Variants in PRICKLE2 observed in about 807,000 individuals in gnomAD.
PRICKLE2 encodes the protein prickle-like protein 2.
A neutral mutation model predicts 81.4 loss-of-function variants in PRICKLE2; 21 were observed. That is an observed-to-expected ratio of 0.26 (90% CI 0.18 to 0.37). PRICKLE2 has a LOEUF of 0.37. Among genes scored for constraint, PRICKLE2 ranks in the 10% least tolerant of loss-of-function variants. PRICKLE2 has a pLI of 1.00. For missense variants in PRICKLE2, 940 were observed against 1,109.0 expected (o/e 0.85, Z 2.16); for synonymous variants, 456 against 421.5 (o/e 1.08, Z -1.00).
intron 2 of PRICKLE2, among the ~76,000 whole-genome samples, chr3:64,192,414 G>T (rs2107102389): frequency 6.6e-6 from 1 of 152,266 alleles, no homozygotes; most frequent in Non-Finnish European, 1.5e-5. Context: ...TTTTATAAGT[G>T]TTAATAACAA....
rs1431946218 is a variant in PRICKLE2, at chr3:64,099,788, G to A, written c.1798C>T (p.Arg600Trp). 8 of 1,614,196 alleles carry A rather than the reference G, an allele frequency of 5.0e-6. No individual in the cohort carries two copies. Among genetic ancestry groups the A allele is most frequent in the Non-Finnish European group, 6.8e-6 (8 of 1,180,038 alleles). Reference protein sequence around the residue: ...MGTLNSSMQFRSAESVRSLLS... With the variant: ...MGTLNSSMQFWSAESVRSLLS... ...AGGCTGCGAACTGACTCTGCGCTCC[G>A]GAACTGCATGGACGAGTTAAGAGTG... is the stretch of plus-strand genomic sequence containing the variant. Residue 600 changes from arginine to tryptophan, a missense_variant, in exon 8 of 8, where the codon CGG (arginine) becomes TGG (tryptophan). By Grantham distance (101) the Arg-to-Trp change is moderately radical (BLOSUM62 -3). Coordinates refer to ENST00000638394, the MANE Select transcript of PRICKLE2 (RefSeq NM_198859.4). The surrounding 1 kb of genome is among the most constrained non-coding windows in gnomAD (Gnocchi z 4.3).
chr3:64,185,556 C>A lies in PRICKLE2; in HGVS notation c.144+13228G>T, dbSNP rs2078213158. Among the ~76,000 whole-genome samples, 5 of 152,184 alleles carry A rather than the reference C, an allele frequency of 3.3e-5. No individual in the cohort carries two copies. In the South Asian group the frequency reaches 1.0e-3, roughly 32 times the overall value. Reference sequence around the variant, plus strand: ...TGAGCCAGTCTGTGGAACTCATTTTCTTGTGCCATCCATCTGGATGTTGAT... The same window carrying A: ...TGAGCCAGTCTGTGGAACTCATTTTATTGTGCCATCCATCTGGATGTTGAT... On this transcript the variant is annotated intron_variant, in intron 2 of 7. Transcript: ENST00000638394.
chr3:64,231,895 A>T (rs1228427648), intron 2 of PRICKLE2, among the ~76,000 whole-genome samples: 1 of 152,192 alleles, frequency 6.6e-6, no homozygotes, highest in African/African-American at 2.4e-5. Context: ...TGACGACAAA[A>T]CCCATATTCT....
chr3:64,257,773 T>C (rs550035156), intron 2 of PRICKLE2, among the ~76,000 whole-genome samples: 1 of 152,302 alleles, frequency 6.6e-6, no homozygotes, highest in East Asian at 1.9e-4. Context: ...TCCTTTGCCA[T>C]GGTTTGAATG....
intron 7 of PRICKLE2, among the ~76,000 whole-genome samples, chr3:64,130,786 T>A (rs2077185776): frequency 1.3e-5 from 2 of 152,182 alleles, no homozygotes; most frequent in Admixed American, 1.3e-4. Flanking sequence ...CCAGACCAGT[T>A]AAATTGGAAT....
intron 1 of PRICKLE2, among the ~76,000 whole-genome samples, chr3:64,214,750 AGGTGCT>A (rs1296706535): frequency 6.6e-6 from 1 of 152,172 alleles, no homozygotes; most frequent in Non-Finnish European, 1.5e-5. Flanking sequence ...CGATTTGACA[AGGTGCT>A]GGTTGAAGGA....
intron 2 of PRICKLE2, among the ~76,000 whole-genome samples, chr3:64,232,852 G>A (rs959626804): frequency 1.3e-5 from 2 of 152,156 alleles, no homozygotes; most frequent in African/African-American, 4.8e-5. Flanking sequence ...CAACGGATGA[G>A]AACAAATACC....
At chr3:64,194,992 T>C (rs1214866228) in intron 2 of PRICKLE2, among the ~76,000 whole-genome samples, 2 of 152,118 alleles carry the variant, frequency 1.3e-5, no homozygotes, top group African/African-American at 4.8e-5. Flanking sequence ...CAGTGAGCTA[T>C]GATCGTACCA....
chr3:64,131,184 T>C (rs923452666), intron 7 of PRICKLE2, among the ~76,000 whole-genome samples: 3 of 152,212 alleles, frequency 2.0e-5, no homozygotes, highest in Non-Finnish European at 4.4e-5. Context: ...ATCTGTTTCA[T>C]CACAAGCGAT....
chr3:64,130,668 G>A (rs2077184157), intron 7 of PRICKLE2, among the ~76,000 whole-genome samples: 1 of 152,190 alleles, frequency 6.6e-6, no homozygotes, highest in East Asian at 1.9e-4. Flanking sequence ...TGGAAACACA[G>A]GCACCTGATG....
At chr3:64,124,814 C>T (rs757769434) in intron 7 of PRICKLE2, among the ~76,000 whole-genome samples, 2 of 152,116 alleles carry the variant, frequency 1.3e-5, no homozygotes, top group Non-Finnish European at 1.5e-5. Context: ...AGAGGTATGA[C>T]GGAGATGTAC....
chr3:64,148,056 A>G (rs2077486994), intron 6 of PRICKLE2, among the ~76,000 whole-genome samples: 1 of 152,242 alleles, frequency 6.6e-6, no homozygotes, highest in African/African-American at 2.4e-5. Context: ...AACTCATTTA[A>G]TCACTCAGCT....
chr3:64,119,499 A>T (rs1475190551), intron 7 of PRICKLE2, among the ~76,000 whole-genome samples: 1 of 152,232 alleles, frequency 6.6e-6, no homozygotes, highest in East Asian at 1.9e-4. Flanking sequence ...AGTCAAAAGC[A>T]CAATGAGATA....
intron 7 of PRICKLE2, among the ~76,000 whole-genome samples, chr3:64,133,770 G>C (rs1018690466): frequency 6.6e-6 from 1 of 152,146 alleles, no homozygotes; most frequent in African/African-American, 2.4e-5. Context: ...AGGAGACAAG[G>C]CTCATCTTTC....
chr3:64,157,123 G>A (rs2077647705), intron 5 of PRICKLE2, 39 bp downstream of exon 5: 1 of 1,570,934 alleles, frequency 6.4e-7, no homozygotes, highest in African/African-American at 1.4e-5. Flanking sequence ...TGCAATGAAG[G>A]GGTGATGGGC....
intron 2 of PRICKLE2, among the ~76,000 whole-genome samples, chr3:64,236,212 T>C (rs1248090173): frequency 6.6e-6 from 1 of 152,192 alleles, no homozygotes; most frequent in African/African-American, 2.4e-5. Context: ...ACTTAGATCA[T>C]GATATGTTTG....
At chr3:64,252,365 A>G (rs914115738) in intron 2 of PRICKLE2, among the ~76,000 whole-genome samples, 1 of 152,168 alleles carries the variant, frequency 6.6e-6, no homozygotes, top group African/African-American at 2.4e-5. Flanking sequence ...GGTCAACCAC[A>G]TGCTATGGGG....
intron 2 of PRICKLE2, among the ~76,000 whole-genome samples, chr3:64,235,142 T>C (rs1237150874): frequency 2.0e-5 from 3 of 152,218 alleles, no homozygotes; most frequent in Non-Finnish European, 4.4e-5. Flanking sequence ...TTCTGTCAGA[T>C]TAAAATCTAC....
At chr3:64,222,463 G>C (rs1312561546) in intron 1 of PRICKLE2, among the ~76,000 whole-genome samples, 1 of 152,144 alleles carries the variant, frequency 6.6e-6, no homozygotes, top group East Asian at 1.9e-4. Context: ...AAAGATCTTG[G>C]GAGGAAAGGG....
Sources: gnomAD v4.1 joint callset for allele counts (sites outside exome capture counted in the v4.1 genomes callset) on GRCh38, gnomAD v4.1.1 for gene constraint, Gnocchi (gnomAD v3.1) non-coding constraint, MANE v1.5 for transcripts, NCBI Gene and HGNC (gene_info 2026-07-23, HGNC 2026-07-21) for gene names.